Variants in TGFB2 observed in about 807,000 individuals in gnomAD.
TGFB2 encodes transforming growth factor beta-2 proprotein.
Under a neutral mutation model 42.7 loss-of-function variants are expected in TGFB2, and 13 were observed. The observed-to-expected ratio is 0.30, with a 90% CI of 0.20 to 0.48. The LOEUF is 0.48. Among genes scored for constraint, TGFB2 ranks in the 20% least tolerant of loss-of-function variants. The pLI is 0.99. For synonymous variants in TGFB2, 193 were observed against 193.6 expected, an observed-to-expected ratio of 1.00 and a Z score of 0.03; for missense variants, 390 against 517.5, an observed-to-expected ratio of 0.75 and a Z score of 2.39.
intron 1 of TGFB2, among the ~76,000 whole-genome samples, chr1:218,372,010 C>G (rs1382106230): frequency 6.6e-6 from 1 of 152,180 alleles, no homozygotes; most frequent in African/African-American, 2.4e-5. Flanking sequence ...ACCCTCAACA[C>G]AGTGACAGTG....
intron 1 of TGFB2, among the ~76,000 whole-genome samples, chr1:218,375,021 A>G (rs1657693955): frequency 1.3e-5 from 2 of 152,162 alleles, no homozygotes; most frequent in Non-Finnish European, 2.9e-5. Flanking sequence ...ACAGCCTTTA[A>G]ACAGTTCAAA....
At chr1:218,399,348 G>A (rs1658635017) in intron 1 of TGFB2, among the ~76,000 whole-genome samples, 1 of 152,166 alleles carries the variant, frequency 6.6e-6, no homozygotes, top group Admixed American at 6.5e-5. Context: ...TTGCATGCCT[G>A]TATCGAAGTA....
rs1401336138 is a variant in TGFB2, at chr1:218,346,936, CAGG to C, written c.238_240del (p.Glu80del). 4 of 1,614,108 alleles carry C rather than the reference CAGG, an allele frequency of 2.5e-6. No individual in the cohort carries two copies. Among genetic ancestry groups the C allele is most frequent in the South Asian group, 1.1e-5 (1 of 91,078 alleles). On this transcript the variant is annotated inframe_deletion, in exon 1 of 7. Transcript: ENST00000366930. This position sits in a 1 kb window ranked among gnomAD's most constrained non-coding sequence, Gnocchi z 4.9. The stretch of plus-strand genomic sequence containing the variant: ...CTACAACAGCACCAGGGACTTGCTC[CAGG>C]AGAAGGCGAGCCGGAGGGCGGCCGC...
intron 1 of TGFB2, among the ~76,000 whole-genome samples, chr1:218,397,672 T>C (rs943665705): frequency 3.0e-4 from 45 of 152,230 alleles, no homozygotes; most frequent in African/African-American, 1.1e-3. Context: ...TTAGGGTACA[T>C]AGGAATTGCT....
intron 1 of TGFB2, among the ~76,000 whole-genome samples, chr1:218,403,720 A>T (rs1658809881): frequency 1.3e-5 from 2 of 152,236 alleles, no homozygotes; most frequent in Admixed American, 1.3e-4. Flanking sequence ...TCACAGGGGA[A>T]ACAAAATAAA....
rs1316375263 is a variant in TGFB2 at position 218,345,728 on chromosome 1, C to G, written c.-974C>G. 2.0e-5 allele frequency: 3 copies of G among 152,444 alleles called. No homozygotes were observed. Among genetic ancestry groups the G allele is most frequent in the Non-Finnish European group, 2.9e-5 (2 of 68,276 alleles). The allele number at this position is 152,444 out of a possible 1,614,324, so 9.4% of individuals were successfully genotyped here. On this transcript the variant is annotated 5_prime_UTR_variant, in exon 1 of 7. Coordinates refer to ENST00000366930, the MANE Select transcript of TGFB2 (RefSeq NM_003238.6). ...CCAGCCAGGGTGTCGCAAGGGCTGC[C>G]GTTGTGATCCGCAGGGGGTGAACGC...
chr1:218,381,246 G>GTTTTTTTTTTT (rs1254161258), intron 1 of TGFB2, among the ~76,000 whole-genome samples: 1 of 131,044 alleles, frequency 7.6e-6, no homozygotes. Flanking sequence ...GCACATTTTT[G>GTTTTTTTTTTT]TTTTTGTTTT....
At chr1:218,374,488 C>T (rs1181479407) in intron 1 of TGFB2, among the ~76,000 whole-genome samples, 2 of 152,198 alleles carry the variant, frequency 1.3e-5, no homozygotes, top group Non-Finnish European at 1.5e-5. Context: ...ACGGGGCCCC[C>T]GTGGTCTGCT....
chr1:218,346,803 C>G lies in TGFB2; in HGVS notation c.102C>G (p.Arg34=). The change falls in exon 1 of 7, where the codon CGC becomes CGG. Residue 34 remains arginine (R), a synonymous_variant. Coordinates refer to ENST00000366930, the MANE Select transcript of TGFB2 (RefSeq NM_003238.6). The surrounding 1 kb of genome is among the most constrained non-coding windows in gnomAD (Gnocchi z 4.9). ...CSTLDMDQFM[R]KRIEAIRGQI... Reference sequence around the variant, plus strand: ...CACTCGATATGGACCAGTTCATGCGCAAGAGGATCGAGGCGATCCGCGGGC... The same window carrying G: ...CACTCGATATGGACCAGTTCATGCGGAAGAGGATCGAGGCGATCCGCGGGC... 6.2e-7 allele frequency: 1 copy of G among 1,614,194 alleles called. No homozygotes were observed.
intron 1 of TGFB2, among the ~76,000 whole-genome samples, chr1:218,351,028 A>G (rs1656852886): frequency 6.6e-6 from 1 of 152,268 alleles, no homozygotes; most frequent in Non-Finnish European, 1.5e-5. Context: ...AGTGTTAAAC[A>G]TTTAACATGA....
rs796963851 is a variant in TGFB2 at position 218,404,711 on chromosome 1, TA to T, written c.347-451del. Among the ~76,000 whole-genome samples, 16 of 152,274 alleles carry T rather than the reference TA, an allele frequency of 1.1e-4. 1 individual carries two copies. Among genetic ancestry groups the T allele is most frequent in the African/African-American group, 3.6e-4 (15 of 41,566 alleles). ...AAGAGATTCGATATATGAGCCTGGT[TA>T]AAAAAAGATTATTTGGATGACAAAC... On this transcript the variant is annotated intron_variant, in intron 1 of 6. Transcript: ENST00000366930.
intron 1 of TGFB2, among the ~76,000 whole-genome samples, chr1:218,351,636 G>T (rs1231538028): frequency 1.3e-5 from 2 of 152,152 alleles, no homozygotes; most frequent in Admixed American, 1.3e-4. Context: ...CTCCTGAGGA[G>T]ACCCCACCCG....
At chr1:218,351,645 C>T (rs1656870631) in intron 1 of TGFB2, among the ~76,000 whole-genome samples, 1 of 152,112 alleles carries the variant, frequency 6.6e-6, no homozygotes, top group Admixed American at 6.5e-5. Flanking sequence ...AGACCCCACC[C>T]GATGAAAGAG....
At chr1:218,390,942 C>T (rs1173729369) in intron 1 of TGFB2, among the ~76,000 whole-genome samples, 1 of 152,162 alleles carries the variant, frequency 6.6e-6, no homozygotes, top group East Asian at 1.9e-4. Context: ...TTGAAACTCT[C>T]AATATTCTTT....
chr1:218,397,301 T>C (rs138400337), intron 1 of TGFB2, among the ~76,000 whole-genome samples: 3 of 147,920 alleles, frequency 2.0e-5, no homozygotes, highest in Non-Finnish European at 4.5e-5. Flanking sequence ...CGGTGGCTTA[T>C]GCCTGTAATC....
chr1:218,434,058 T>C, intron 2 of TGFB2, 24 bp from the exon 3 acceptor site: 1 of 1,611,612 alleles, frequency 6.2e-7, no homozygotes, highest in Non-Finnish European at 8.5e-7. Flanking sequence ...CTCAGCCTTT[T>C]CTCTTGCTCT....
chr1:218,432,334 A>T (rs1659833001), intron 2 of TGFB2, among the ~76,000 whole-genome samples: 1 of 152,134 alleles, frequency 6.6e-6, no homozygotes, highest in Non-Finnish European at 1.5e-5. Flanking sequence ...TTTCTTACCT[A>T]TCATAGAGCC....
intron 1 of TGFB2, among the ~76,000 whole-genome samples, chr1:218,374,269 G>A (rs1320889377): frequency 6.6e-6 from 1 of 152,192 alleles, no homozygotes; most frequent in Non-Finnish European, 1.5e-5. Flanking sequence ...CAATAAGCAG[G>A]ATCCTGGAAA....
chr1:218,442,719 A>C lies in TGFB2; in HGVS notation c.*1357A>C, dbSNP rs182607525. 5.3e-5 allele frequency: 8 copies of C among 151,500 alleles called. No individual in the cohort carries two copies. Among genetic ancestry groups the C allele is most frequent in the Middle Eastern group, 6.8e-3 (2 of 294 alleles). The allele number at this position is 151,500 out of a possible 1,614,324, so 9.4% of individuals were successfully genotyped here. On this transcript the variant is annotated 3_prime_UTR_variant, in exon 7 of 7. Transcript: ENST00000366930. ...GATGGGTTCGAGTTCAGTGGTCTTC[A>C]TCTTCCAAGCATCATTACTAACCAA...
Sources: gnomAD v4.1 joint callset for allele counts (sites outside exome capture counted in the v4.1 genomes callset) on GRCh38, gnomAD v4.1.1 for gene constraint, Gnocchi (gnomAD v3.1) non-coding constraint, MANE v1.5 for transcripts, NCBI Gene and HGNC (gene_info 2026-07-23, HGNC 2026-07-21) for gene names.